Variants in ESCO1 observed in about 807,000 individuals in gnomAD.
ESCO1 encodes the protein establishment of sister chromatid cohesion N-acetyltransferase 1.
Under a neutral mutation model 83.5 loss-of-function variants are expected in ESCO1, and 33 were observed. That is an observed-to-expected ratio of 0.40 (90% CI 0.30 to 0.53). The LOEUF is 0.53. Among genes scored for constraint, ESCO1 ranks in the 20% least tolerant of loss-of-function variants. The probability of loss-of-function intolerance (pLI) is 0.63; values close to 1 mark genes in which losing one functional copy is unlikely to be tolerated. For missense variants in ESCO1, 855 were observed against 968.0 expected (o/e 0.88, Z 1.55); for synonymous variants, 332 against 324.3 (o/e 1.02, Z -0.25).
At chr18:21,561,688 A>G (rs1170156882) in intron 7 of ESCO1, among the ~76,000 whole-genome samples, 7 of 152,102 alleles carry the variant, frequency 4.6e-5, no homozygotes, top group African/African-American at 1.4e-4. Flanking sequence ...TTGGCCTCCT[A>G]AAGTGCTAGG....
chr18:21,592,323 G>A (rs1387271949), intron 1 of ESCO1, among the ~76,000 whole-genome samples: 8 of 150,524 alleles, frequency 5.3e-5, no homozygotes, highest in Non-Finnish European at 1.0e-4. Context: ...CAGTAGGGGC[G>A]GCCGGGCAGA....
intron 4 of ESCO1, among the ~76,000 whole-genome samples, chr18:21,573,094 G>A (rs983401999): frequency 2.0e-5 from 3 of 152,098 alleles, no homozygotes; most frequent in Non-Finnish European, 4.4e-5. Flanking sequence ...AAAATGAAGA[G>A]TAAAAATGAG....
At chr18:21,552,278 C>T (rs560679792) in intron 8 of ESCO1, among the ~76,000 whole-genome samples, 1 of 152,086 alleles carries the variant, frequency 6.6e-6, no homozygotes, top group East Asian at 1.9e-4. Context: ...GGCTGTGTCC[C>T]CACCCAAATC....
At chr18:21,561,998 C>T (rs1016312790) in intron 7 of ESCO1, among the ~76,000 whole-genome samples, 25 of 152,208 alleles carry the variant, frequency 1.6e-4, no homozygotes, top group African/African-American at 5.8e-4. Flanking sequence ...CCTGCCTCAG[C>T]CTCCTGAGTA....
chr18:21,550,073 C>T (rs775024677), intron 8 of ESCO1, among the ~76,000 whole-genome samples: 1 of 151,780 alleles, frequency 6.6e-6, no homozygotes, highest in Non-Finnish European at 1.5e-5. Flanking sequence ...GGCATAGAAA[C>T]AAAATGTCTA....
intron 1 of ESCO1, among the ~76,000 whole-genome samples, chr18:21,585,618 T>C (rs1186372897): frequency 6.6e-6 from 1 of 152,114 alleles, no homozygotes; most frequent in Non-Finnish European, 1.5e-5. Context: ...GCCCAAAACT[T>C]TGCTACTCTT....
intron 4 of ESCO1, among the ~76,000 whole-genome samples, chr18:21,568,602 A>T (rs2038295265): frequency 6.6e-6 from 1 of 152,146 alleles, no homozygotes; most frequent in Non-Finnish European, 1.5e-5. Context: ...ATCACACCAG[A>T]TTTTGAACTT....
At chr18:21,565,257 T>C (rs113250519) in intron 6 of ESCO1, among the ~76,000 whole-genome samples, 4 of 152,390 alleles carry the variant, frequency 2.6e-5, no homozygotes, top group African/African-American at 9.6e-5. Context: ...TTCCAATTTG[T>C]ACTAAATACT....
chr18:21,589,982 C>G (rs2038641104), intron 1 of ESCO1, among the ~76,000 whole-genome samples: 1 of 151,842 alleles, frequency 6.6e-6, no homozygotes, highest in South Asian at 2.1e-4. Context: ...CACCCGCCAC[C>G]ACACCGGGCT....
intron 8 of ESCO1, among the ~76,000 whole-genome samples, chr18:21,547,994 C>CA (rs1375175099): frequency 6.6e-6 from 1 of 151,976 alleles, no homozygotes; most frequent in African/African-American, 2.4e-5. Context: ...CCCAGCTACT[C>CA]AAGAGGCTGA....
intron 1 of ESCO1, chr18:21,597,004 G>A (rs2038777037): frequency 6.6e-6 from 1 of 152,156 alleles, no homozygotes; most frequent in Non-Finnish European, 1.5e-5. Context: ...GGATTCCTGA[G>A]ATCAAAATCA....
At position 21,540,044 on chromosome 18, in the gene ESCO1, A is replaced by G. The variant is rs777250645; in HGVS notation, c.1954-35T>C. On this transcript the variant is annotated intron_variant, in intron 8 of 11. Transcript: ENST00000269214. ...TATATATATATATACACACATATGT[A>G]AAGTATGAATTTTATGTATATTCTA... 2 of 1,483,116 alleles carry G rather than the reference A, an allele frequency of 1.3e-6. 1 individual carries two copies. Among genetic ancestry groups the G allele is most frequent in the South Asian group, 2.6e-5 (2 of 77,318 alleles). The allele number at this position is 1,483,116 out of a possible 1,614,324, so 91.9% of individuals were successfully genotyped here.
intron 2 of ESCO1, among the ~76,000 whole-genome samples, chr18:21,581,590 G>A (rs1013869699): frequency 6.6e-5 from 10 of 151,834 alleles, no homozygotes; most frequent in South Asian, 4.2e-4. Context: ...CAGCCTGGAC[G>A]ACAGAGCAAG....
At chr18:21,599,481 T>C (rs941151373) in intron 1 of ESCO1, among the ~76,000 whole-genome samples, 7 of 152,214 alleles carry the variant, frequency 4.6e-5, no homozygotes, top group South Asian at 2.1e-4. Context: ...CTATGTTTTA[T>C]CCACTTTTTT....
intron 1 of ESCO1, among the ~76,000 whole-genome samples, chr18:21,585,944 A>C (rs534460189): frequency 6.6e-6 from 1 of 152,320 alleles, no homozygotes; most frequent in East Asian, 1.9e-4. Context: ...TTTCTGGGGT[A>C]CATGTGACAT....
In ESCO1 at chr18:21,530,425, T is replaced by A; in HGVS notation, c.2441A>T (p.Asp814Val). ...GTACTGTGTTGCAAACAGCTTTCCATCAGGAGTGGGATCTGAGAAAGCAAT... is the reference window on the plus strand; with the variant it reads ...GTACTGTGTTGCAAACAGCTTTCCAACAGGAGTGGGATCTGAGAAAGCAAT... Reference protein sequence around the residue: ...EEIAFSDPTPDGKLFATQYCG... With the variant: ...EEIAFSDPTPVGKLFATQYCG... Residue 814 changes from aspartate to valine, a missense_variant, in exon 12 of 12, where the codon GAT becomes GTT. Physicochemically the swap from Asp to Val is radical, Grantham distance 152. Transcript: ENST00000269214. The A allele has an allele frequency of 6.3e-7, 1 of 1,592,990 alleles. No individual in the cohort carries two copies. Among genetic ancestry groups the A allele is most frequent in the Non-Finnish European group, 8.5e-7 (1 of 1,170,230 alleles).
At chr18:21,564,144 G>C in intron 7 of ESCO1, 59 bp downstream of exon 7, 1 of 1,092,164 alleles carries the variant, frequency 9.2e-7, no homozygotes, top group Non-Finnish European at 1.3e-6. Flanking sequence ...ATAGCAACAT[G>C]AAATATACTA....
intron 8 of ESCO1, among the ~76,000 whole-genome samples, chr18:21,553,487 A>G (rs1259702221): frequency 6.6e-6 from 1 of 151,292 alleles, no homozygotes. Context: ...TTTTTTTTGA[A>G]AAAGATACTG....
chr18:21,567,909 A>G, intron 5 of ESCO1, 71 bp downstream of exon 5: 2 of 1,166,026 alleles, frequency 1.7e-6, no homozygotes, highest in South Asian at 2.7e-5. Flanking sequence ...TTGGTATATA[A>G]CATTTTCTGT....
Sources: allele counts gnomAD v4.1 joint callset (sites outside exome capture counted in the v4.1 genomes callset), GRCh38; gene constraint gnomAD v4.1.1; transcripts MANE v1.5; gene names NCBI Gene and HGNC (gene_info 2026-07-23, HGNC 2026-07-21).